GAREM2: variants seen among roughly 807,000 people sequenced by gnomAD.
GAREM2 encodes the protein GRB2 associated regulator of MAPK1 subtype 2, also known as GRB2-associated and regulator of MAPK protein 2.
A neutral mutation model predicts 55.6 loss-of-function variants in GAREM2; 30 were observed. The ratio of observed to expected loss-of-function variants is 0.54; its 90% CI spans 0.40 to 0.73. The LOEUF (loss-of-function observed/expected upper bound fraction) is 0.73. Among genes scored for constraint, GAREM2 ranks in the 30% least tolerant of loss-of-function variants. The probability of loss-of-function intolerance (pLI) is 0.00; values close to 1 mark genes in which losing one functional copy is unlikely to be tolerated. For synonymous variants in GAREM2, 550 were observed against 569.1 expected, an observed-to-expected ratio of 0.97 and a Z score of 0.48; for missense variants, 1,075 against 1,257.7, an observed-to-expected ratio of 0.85 and a Z score of 2.20.
In GAREM2 at chr2:26,187,694, TC is replaced by T; in HGVS notation, c.2064del (p.Ser689LeufsTer85). On this transcript the variant is annotated frameshift_variant, in exon 6 of 6. Transcript: ENST00000401533. LOFTEE classifies it high-confidence loss of function. ...APPSSCAPSS[S>X]SSSEWQEPVL... The stretch of plus-strand genomic sequence containing the variant: ...CCCCTCCTCCTGCGCCCCCTCCTCC[TC>T]CTCTTCTTCTGAATGGCAGGAACCA... 1 of 1,489,466 alleles carries T rather than the reference TC, an allele frequency of 6.7e-7. No individual in the cohort carries two copies. Among genetic ancestry groups the T allele is most frequent in the East Asian group, 2.5e-5 (1 of 40,092 alleles). The allele number at this position is 1,489,466 out of a possible 1,614,324, so 92.3% of individuals were successfully genotyped here. A position where few individuals can be genotyped will look rare whatever the true frequency, so the allele number is the denominator to read the frequency against.
the GAREM2 span, among the ~76,000 whole-genome samples, chr2:26,201,714 A>C: frequency 0.76 from 114,937 of 152,178 alleles, 43,397 homozygotes; most frequent in East Asian, 0.85. Context: ...AAGCAGCCAA[A>C]GTGTGTCTGA....
chr2:26,203,071 C>T, the GAREM2 span, among the ~76,000 whole-genome samples: 8 of 152,208 alleles, frequency 5.3e-5, no homozygotes, highest in Admixed American at 1.3e-4. Flanking sequence ...GTTTGGGATG[C>T]TTGCATGCTA....
rs10201043 is a variant in GAREM2 at position 26,187,699 on chromosome 2, T to C, written c.2067T>C (p.Ser689=). The C allele has an allele frequency of 3.4e-3, 5,032 of 1,487,490 alleles. 136 individuals are homozygous for C. The African/African-American group carries it at 0.061, about 18-fold the overall frequency. 92.1% of individuals were successfully genotyped at this position (1,487,490 alleles called of 1,614,324 possible). ...PPSSCAPSSS[S]SSEWQEPVLE... is the part of the protein sequence containing the mutation. ...CCTCCTGCGCCCCCTCCTCCTCCTC[T>C]TCTTCTGAATGGCAGGAACCAGTCC... is the stretch of plus-strand genomic sequence containing the variant. Residue 689 remains serine (S), a synonymous_variant, in exon 6 of 6, where the codon TCT becomes TCC. Coordinates refer to ENST00000401533, the MANE Select transcript of GAREM2 (RefSeq NM_001168241.2).
intron 2 of GAREM2, among the ~76,000 whole-genome samples, chr2:26,177,585 C>G (rs1443576802): frequency 6.6e-6 from 1 of 152,086 alleles, no homozygotes; most frequent in Non-Finnish European, 1.5e-5. Flanking sequence ...CTCAATGAAG[C>G]CTCCTGCCTC....
intron 1 of GAREM2, among the ~76,000 whole-genome samples, chr2:26,174,318 T>A (rs957952898): frequency 6.6e-6 from 1 of 152,224 alleles, no homozygotes; most frequent in Admixed American, 6.5e-5. Flanking sequence ...CAGCGTCTAG[T>A]TCTCTGGCTC....
Position 26,184,320 on chromosome 2 carries a change from G to A in GAREM2, c.472G>A (p.Glu158Lys). The A allele has an allele frequency of 6.4e-7, 1 of 1,550,688 alleles. No individual in the cohort carries two copies. The highest frequency in any genetic ancestry group is 1.4e-5 in the African/African-American group (1 of 73,056). The change falls in exon 4 of 6, where the codon GAG becomes AAG. Residue 158 changes from glutamate (E) to lysine (K), a missense_variant. Physicochemically the swap from Glu to Lys is moderately conservative, Grantham distance 56. Around this residue, in one of 6 missense-constraint regions of GAREM2, gnomAD observed 230 missense variants for 310.6 expected, o/e 0.74. Transcript: ENST00000401533. ...GDELTLMGQA[E>K]ILCAKTTKER... Reference sequence around the variant, plus strand: ...CGAGCTCACTCTTATGGGCCAGGCGGAGATCCTGTGCGCCAAGACCACCAA... The same window carrying A: ...CGAGCTCACTCTTATGGGCCAGGCGAAGATCCTGTGCGCCAAGACCACCAA...
At chr2:26,201,096 CTG>C in the GAREM2 span, 3,259 of 1,355,404 alleles carry the variant, frequency 2.4e-3, 61 homozygotes, top group African/African-American at 0.04. Flanking sequence ...AAAAAAATCT[CTG>C]TGTTTTCTGT....
chr2:26,176,294 A>T (rs1484893037), intron 1 of GAREM2, 50 bp from the exon 2 acceptor site: 1 of 1,453,734 alleles, frequency 6.9e-7, no homozygotes, highest in Admixed American at 2.3e-5. Context: ...TGCCCCTTCT[A>T]ATGTCCTGTC....
chr2:26,193,758 C>T (rs543883463), downstream of GAREM2: 9 of 1,614,106 alleles, frequency 5.6e-6, no homozygotes, highest in African/African-American at 2.7e-5. Flanking sequence ...CCAGCTTCTT[C>T]GGGTCAACTC....
In GAREM2 at chr2:26,187,439, A is replaced by C. The variant is rs1574595861; in HGVS notation, c.1807A>C (p.Thr603Pro). ...GRAASLLGAD[T>P]PVKTYHSCPP... ...AGCCGCCTCCCTTCTGGGGGCTGACACCCCTGTTAAGACCTACCACAGCTG... is the reference window on the plus strand; with the variant it reads ...AGCCGCCTCCCTTCTGGGGGCTGACCCCCCTGTTAAGACCTACCACAGCTG... Residue 603 changes from threonine (T) to proline (P), a missense_variant, in exon 6 of 6, where the codon ACC (threonine) becomes CCC (proline). Transcript: ENST00000401533. 1 of 1,547,394 alleles carries C rather than the reference A, an allele frequency of 6.5e-7. No individual in the cohort carries two copies. Among genetic ancestry groups the C allele is most frequent in the South Asian group, 1.2e-5 (1 of 83,220 alleles).
chr2:26,175,071 C>A (rs1668818221), intron 1 of GAREM2, among the ~76,000 whole-genome samples: 1 of 151,184 alleles, frequency 6.6e-6, no homozygotes, highest in Non-Finnish European at 1.5e-5. Context: ...CGCCCGCCAC[C>A]CTGCCACACA....
chr2:26,174,944 G>T (rs866438703), intron 1 of GAREM2, among the ~76,000 whole-genome samples: 1 of 152,156 alleles, frequency 6.6e-6, no homozygotes, highest in Non-Finnish European at 1.5e-5. Flanking sequence ...AGAGGAGGGA[G>T]CAGAGTTGGA....
the GAREM2 span, among the ~76,000 whole-genome samples, chr2:26,201,989 T>TG: frequency 6.7e-6 from 1 of 148,328 alleles, no homozygotes; most frequent in African/African-American, 2.5e-5. Flanking sequence ...TTAGTAGAGA[T>TG]GGGGTTTCAC....
Position 26,173,243 on chromosome 2 carries a change from TG to T in GAREM2, c.25del (p.Ala9ProfsTer53). 7.4e-7 allele frequency: 1 copy of T among 1,343,726 alleles called. No homozygotes were observed. Among genetic ancestry groups the T allele is most frequent in the South Asian group, 1.8e-5 (1 of 57,094 alleles). 83.2% of individuals were successfully genotyped at this position (1,343,726 alleles called of 1,614,324 possible). On this transcript the variant is annotated frameshift_variant, in exon 1 of 6. Coordinates refer to ENST00000401533, the MANE Select transcript of GAREM2 (RefSeq NM_001168241.2). LOFTEE classifies it high-confidence loss of function. ...GCCATGGAGAAGCTGGCGGCCGGGC[TG>T]GCCGGCCTGCGCTGGAGCATGGGCG... MEKLAAG[L>X]AGLRWSMGAF...
chr2:26,197,429 T>G, the GAREM2 span, among the ~76,000 whole-genome samples: 1 of 152,206 alleles, frequency 6.6e-6, no homozygotes, highest in Admixed American at 6.5e-5. Context: ...AATGCCTAAT[T>G]CTAGGATACA....
intron 2 of GAREM2, among the ~76,000 whole-genome samples, chr2:26,180,537 C>T (rs528028919): frequency 6.6e-6 from 1 of 152,358 alleles, no homozygotes; most frequent in East Asian, 1.9e-4. Context: ...CCTTTCTTGG[C>T]CTCTCCAGGA....
chr2:26,187,749 T>C lies in GAREM2; in HGVS notation c.2117T>C (p.Leu706Pro). ...CTGGAGCCCTTCGATCCCTTTGAGCTGGGGCAGGGCAGTTCTCCAGAGCCT... is the reference window on the plus strand; with the variant it reads ...CTGGAGCCCTTCGATCCCTTTGAGCCGGGGCAGGGCAGTTCTCCAGAGCCT... The part of the protein sequence containing the change: ...PVLEPFDPFE[L>P]GQGSSPEPEL... The change falls in exon 6 of 6, where the codon CTG (leucine) becomes CCG (proline). Residue 706 changes from leucine to proline, a missense_variant. Physicochemically the swap from Leu to Pro is moderately conservative, Grantham distance 98 (BLOSUM62 -3). Transcript: ENST00000401533. 6.9e-7 allele frequency: 1 copy of C among 1,454,780 alleles called. No homozygotes were observed. The highest frequency in any genetic ancestry group is 9.1e-7 in the Non-Finnish European group (1 of 1,098,454). 90.1% of individuals were successfully genotyped at this position (1,454,780 alleles called of 1,614,324 possible).
At position 26,182,862 on chromosome 2, in the gene GAREM2, G is replaced by A. The variant is rs1291699592; in HGVS notation, c.254-105G>A. On this transcript the variant is annotated intron_variant, in intron 2 of 5. Coordinates refer to ENST00000401533, the MANE Select transcript of GAREM2 (RefSeq NM_001168241.2). ...TTTGGCCCTCCTGAGTTCCTGAGGG[G>A]CTGGCCGAGATTATGGTAGCAAGTG... The A allele has an allele frequency of 3.6e-6, 5 of 1,399,924 alleles. No individual in the cohort carries two copies. The Admixed American group carries it at 1.1e-4, about 30-fold the overall frequency. The allele number at this position is 1,399,924 out of a possible 1,614,324, so 86.7% of individuals were successfully genotyped here.
At chr2:26,186,612 C>T (rs1436704403) in intron 5 of GAREM2, among the ~76,000 whole-genome samples, 1 of 152,188 alleles carries the variant, frequency 6.6e-6, no homozygotes, top group Non-Finnish European at 1.5e-5. Flanking sequence ...GGAGCATTGC[C>T]CTGGTCCCCT....
Sources: allele counts gnomAD v4.1 joint callset (sites outside exome capture counted in the v4.1 genomes callset), GRCh38; gene constraint gnomAD v4.1.1; regional missense constraint gnomAD v4.1.1; transcripts MANE v1.5; gene names NCBI Gene and HGNC (gene_info 2026-07-23, HGNC 2026-07-21).